The following STPG4 variants were observed in gnomAD, a reference collection of about 807,000 sequenced individuals.
STPG4 encodes the protein protein STPG4.
Under a neutral mutation model 31.5 loss-of-function variants are expected in STPG4, and 41 were observed. The observed-to-expected ratio is 1.30, with a 90% CI of 1.01 to 1.69. The LOEUF is 1.69. Ranked by LOEUF, STPG4 falls within the 40% of genes most tolerant of loss-of-function variation. The pLI is 0.00. For missense variants in STPG4, 375 were observed against 293.4 expected (o/e 1.28, Z -2.03); for synonymous variants, 141 against 103.0 (o/e 1.37, Z -2.24).
chr2:47,104,751 A>C (rs1482325103), intron 5 of STPG4, among the ~76,000 whole-genome samples: 2 of 151,962 alleles, frequency 1.3e-5, no homozygotes, highest in Non-Finnish European at 2.9e-5. Context: ...TGGAAGCCTC[A>C]TGCCAGCAGG....
chr2:47,093,637 G>A (rs927793049), intron 5 of STPG4, among the ~76,000 whole-genome samples: 28 of 152,210 alleles, frequency 1.8e-4, no homozygotes, highest in African/African-American at 6.3e-4. Flanking sequence ...CAAGCTGCCT[G>A]GGAGTCCAGG....
chr2:47,106,672 G>C (rs1308977603), intron 5 of STPG4, among the ~76,000 whole-genome samples: 1 of 151,848 alleles, frequency 6.6e-6, no homozygotes, highest in Non-Finnish European at 1.5e-5. Flanking sequence ...GATAGTATGA[G>C]ATACCGCCCG....
chr2:47,122,313 T>A (rs1686289001), intron 5 of STPG4, among the ~76,000 whole-genome samples: 2 of 152,222 alleles, frequency 1.3e-5, no homozygotes, highest in Non-Finnish European at 2.9e-5. Flanking sequence ...GCAGTTTGTT[T>A]TCTGATATAC....
chr2:47,087,244 C>T, intron 6 of STPG4, 114 bp from the exon 7 acceptor site: 1 of 1,209,040 alleles, frequency 8.3e-7, no homozygotes, highest in Non-Finnish European at 1.2e-6. Flanking sequence ...GGATGAAGAC[C>T]AGGGCCACAC....
chr2:47,122,020 TG>T (rs1014662982), intron 5 of STPG4, among the ~76,000 whole-genome samples: 4 of 152,178 alleles, frequency 2.6e-5, no homozygotes, highest in African/African-American at 9.7e-5. Flanking sequence ...GACATATCTT[TG>T]GGGGCTATAA....
chr2:47,096,617 CA>C (rs1228129044), intron 5 of STPG4, among the ~76,000 whole-genome samples: 1 of 152,148 alleles, frequency 6.6e-6, no homozygotes, highest in South Asian at 2.1e-4. Flanking sequence ...ATGAATGTCC[CA>C]GGGGGTTAGG....
At chr2:47,132,166 A>G (rs201093544) in intron 3 of STPG4, among the ~76,000 whole-genome samples, 38,424 of 120,422 alleles carry the variant, frequency 0.32, 5,101 homozygotes, top group Admixed American at 0.36. Flanking sequence ...CTCACTCTGA[A>G]AAAAAAAAAA....
Position 47,101,171 on chromosome 2 carries a change from G to A in STPG4, c.520-10797C>T, listed in dbSNP as rs934789382. Among the ~76,000 whole-genome samples the A allele has an allele frequency of 2.0e-5, 3 of 151,942 alleles. No homozygotes were observed. The East Asian group carries it at 5.8e-4, about 29-fold the overall frequency. ...CTAAATACCGGGCACCTGTCAGCCA[G>A]CTAAAAGTGACTAGTGCGGACACCG... On this transcript the variant is annotated intron_variant, in intron 5 of 6. Coordinates refer to ENST00000445927, the MANE Select transcript of STPG4 (RefSeq NM_001163561.2).
chr2:47,153,480 T>C (rs1403337400), intron 1 of STPG4, among the ~76,000 whole-genome samples: 3 of 152,236 alleles, frequency 2.0e-5, no homozygotes, highest in South Asian at 4.1e-4. Context: ...ATGCCAGATG[T>C]GGTGGCTCAC....
At chr2:47,088,825 G>A (rs902176739) in intron 6 of STPG4, among the ~76,000 whole-genome samples, 1 of 152,192 alleles carries the variant, frequency 6.6e-6, no homozygotes, top group Non-Finnish European at 1.5e-5. Flanking sequence ...CTAGCCAAAC[G>A]TCAAAGGAAG....
At chr2:47,118,160 C>T (rs1009325520) in intron 5 of STPG4, among the ~76,000 whole-genome samples, 14 of 152,016 alleles carry the variant, frequency 9.2e-5, no homozygotes, top group African/African-American at 3.1e-4. Flanking sequence ...GAGGGGTGGG[C>T]GAGCAAGGGA....
chr2:47,144,269 C>T (rs1479376335), intron 3 of STPG4, among the ~76,000 whole-genome samples: 2 of 152,154 alleles, frequency 1.3e-5, no homozygotes, highest in Non-Finnish European at 2.9e-5. Flanking sequence ...CAATGCATCT[C>T]GAAAGACACA....
intron 5 of STPG4, among the ~76,000 whole-genome samples, chr2:47,092,736 G>A (rs1255412306): frequency 6.6e-6 from 1 of 151,926 alleles, no homozygotes; most frequent in African/African-American, 2.4e-5. Flanking sequence ...GGTAAGGCTG[G>A]CCACAAATGA....
At chr2:47,140,396 A>G (rs935190473) in intron 3 of STPG4, among the ~76,000 whole-genome samples, 1 of 152,146 alleles carries the variant, frequency 6.6e-6, no homozygotes, top group Non-Finnish European at 1.5e-5. Flanking sequence ...TCCTGCAGGT[A>G]AACCTCAAAA....
chr2:47,092,994 T>C (rs943955148), intron 5 of STPG4, among the ~76,000 whole-genome samples: 5 of 152,172 alleles, frequency 3.3e-5, no homozygotes, highest in Non-Finnish European at 5.9e-5. Context: ...GGTTTCACCA[T>C]ATTGGCCAGG....
chr2:47,108,545 A>T (rs184319788), intron 5 of STPG4: 30 of 173,122 alleles, frequency 1.7e-4, no homozygotes, highest in Admixed American at 3.8e-4. Context: ...TTCATTCTTG[A>T]AGTCAGTGAG....
At chr2:47,097,330 G>A (rs954492628) in intron 5 of STPG4, among the ~76,000 whole-genome samples, 4 of 152,100 alleles carry the variant, frequency 2.6e-5, no homozygotes, top group Admixed American at 2.0e-4. Flanking sequence ...AAGCGCACAC[G>A]TTCTATTTCC....
At chr2:47,087,446 G>C (rs1464819340) in intron 6 of STPG4, among the ~76,000 whole-genome samples, 1 of 152,174 alleles carries the variant, frequency 6.6e-6, no homozygotes, top group Non-Finnish European at 1.5e-5. Context: ...TCTCCCAAAG[G>C]GCACTTGGCC....
chr2:47,112,618 T>A (rs1195239586), intron 5 of STPG4, among the ~76,000 whole-genome samples: 1 of 152,198 alleles, frequency 6.6e-6, no homozygotes, highest in African/African-American at 2.4e-5. Flanking sequence ...TAGGTGAATG[T>A]CTATAGGTAT....
Sources: gnomAD v4.1 joint callset for allele counts (sites outside exome capture counted in the v4.1 genomes callset) on GRCh38, gnomAD v4.1.1 for gene constraint, MANE v1.5 for transcripts, NCBI Gene and HGNC (gene_info 2026-07-23, HGNC 2026-07-21) for gene names.